Variants in CFAP70 observed in about 807,000 individuals in gnomAD.
The protein encoded by CFAP70 is cilia and flagella associated protein 70, also known as cilia- and flagella-associated protein 70.
CFAP70 carries 81 observed loss-of-function variants against 137.6 expected under a neutral mutation model. The observed-to-expected ratio is 0.59, with a 90% CI of 0.49 to 0.71. The LOEUF is 0.71. Ranked by LOEUF, CFAP70 falls within the 30% of genes least tolerant of loss-of-function variation. CFAP70 has a pLI of 0.00. For synonymous variants in CFAP70, 382 were observed against 423.6 expected (o/e 0.90, Z 1.20); for missense variants, 976 against 1,226.7 (o/e 0.80, Z 3.05).
At chr10:73,310,290 A>G in intron 11 of CFAP70, 41 bp from the exon 13 acceptor site, 7 of 1,431,700 alleles carry the variant, frequency 4.9e-6, no homozygotes, top group Non-Finnish European at 6.8e-6. Flanking sequence ...AGAAAAAAAT[A>G]TATTTATGAA....
chr10:73,299,626 AC>A lies in CFAP70; in HGVS notation c.1295del (p.Arg432LeufsTer10). 6.2e-7 allele frequency: 1 copy of A among 1,613,360 alleles called. No homozygotes were observed. Among genetic ancestry groups the A allele is most frequent in the Non-Finnish European group, 8.5e-7 (1 of 1,179,558 alleles). The stretch of plus-strand genomic sequence containing the variant: ...TTGCCTTCTGAGCTCCTCCTGTCCG[AC>A]GGGTAAGAGGAGGCCTTGGAGGAAT... On this transcript the variant is annotated frameshift_variant, in exon 13 of 27. Coordinates refer to ENST00000310715, the Ensembl canonical transcript of CFAP70. LOFTEE classifies it high-confidence loss of function.
chr10:73,347,087 T>C (rs1393945219), intron 4 of CFAP70: 1 of 152,152 alleles, frequency 6.6e-6, no homozygotes, highest in Non-Finnish European at 1.5e-5. Flanking sequence ...ATTGGAACAG[T>C]ATGGTATCTT....
intron 19 of CFAP70, among the ~76,000 whole-genome samples, chr10:73,290,005 A>G (rs1045615849): frequency 1.4e-5 from 2 of 148,044 alleles, no homozygotes; most frequent in African/African-American, 5.0e-5. Context: ...AGATCTCACC[A>G]CTGCACTCCA....
chr10:73,342,583 A>T (rs189327386), intron 5 of CFAP70, among the ~76,000 whole-genome samples: 10 of 152,270 alleles, frequency 6.6e-5, no homozygotes, highest in Admixed American at 6.5e-4. Context: ...ATAGATAGAT[A>T]AAGAACAGGA....
chr10:73,355,514 C>T lies in CFAP70; in HGVS notation c.-39-679G>A, dbSNP rs184936515. ...ATTATATAGGCTAGGCACGGTGGCT[C>T]ACGCCTGTAATCCCAACACTTTGGA... is the stretch of plus-strand genomic sequence containing the variant. On this transcript the variant is annotated intron_variant, in intron 1 of 26. Coordinates refer to ENST00000310715, the Ensembl canonical transcript of CFAP70. Among the ~76,000 whole-genome samples, 8 of 152,298 alleles carry T rather than the reference C, an allele frequency of 5.3e-5. No individual in the cohort carries two copies. In the East Asian group the frequency reaches 1.5e-3, roughly 29 times the overall value.
At chr10:73,278,254 T>A (rs759149275) in exon 20 of CFAP70, 1 of 1,614,098 alleles carries the variant, frequency 6.2e-7, no homozygotes, top group East Asian at 2.2e-5. Context: ...GTTTGTGTAG[T>A]CAAAATGGGT....
At chr10:73,355,479 A>G (rs1230503776) in intron 1 of CFAP70, among the ~76,000 whole-genome samples, 1 of 152,186 alleles carries the variant, frequency 6.6e-6, no homozygotes, top group Non-Finnish European at 1.5e-5. Flanking sequence ...GGTGAGTTGT[A>G]TAATATTTCA....
chr10:73,309,509 G>A (rs557629630), intron 12 of CFAP70, among the ~76,000 whole-genome samples: 1 of 152,154 alleles, frequency 6.6e-6, no homozygotes, highest in Admixed American at 6.5e-5. Flanking sequence ...GTCTCACTAT[G>A]TTGCCCAAGC....
At chr10:73,299,204 G>C (rs1422321734) in intron 13 of CFAP70, 103 bp from the exon 15 acceptor site, 22 of 725,940 alleles carry the variant, frequency 3.0e-5, no homozygotes, top group African/African-American at 4.5e-5. Flanking sequence ...TACTTTATTA[G>C]TTTGTTTGTT....
At chr10:73,264,551 C>T (rs2045575088) in intron 25 of CFAP70, among the ~76,000 whole-genome samples, 1 of 152,144 alleles carries the variant, frequency 6.6e-6, no homozygotes, top group Non-Finnish European at 1.5e-5. Flanking sequence ...AAAAATGTGA[C>T]TCCCATTATC....
intron 8 of CFAP70, among the ~76,000 whole-genome samples, chr10:73,330,530 T>A (rs930534087): frequency 6.6e-6 from 1 of 151,542 alleles, no homozygotes; most frequent in Non-Finnish European, 1.5e-5. Flanking sequence ...AATACTTACA[T>A]ACTACAAAGG....
At chr10:73,287,604 T>C (rs1001678099) in intron 19 of CFAP70, among the ~76,000 whole-genome samples, 2 of 152,170 alleles carry the variant, frequency 1.3e-5, no homozygotes, top group African/African-American at 4.8e-5. Flanking sequence ...ATACTTTTCT[T>C]AGGAAGCTTC....
rs77655119 is a variant in CFAP70 at position 73,292,597 on chromosome 10, A to G, written c.1771-583T>C. On this transcript the variant is annotated intron_variant, in intron 16 of 26. Transcript: ENST00000310715. The stretch of plus-strand genomic sequence containing the variant: ...AAAATTCTCAAAAAGTTAAACACAG[A>G]ATTACCGTATGTCTCAGCAATTTCA... Among the ~76,000 whole-genome samples the G allele has an allele frequency of 2.0e-3, 298 of 152,292 alleles. 12 individuals carry two copies. The East Asian group carries it at 0.054, about 28-fold the overall frequency.
exon 10 of CFAP70, chr10:73,312,547 C>T: frequency 6.2e-7 from 1 of 1,612,830 alleles, no homozygotes; most frequent in Non-Finnish European, 8.5e-7. Flanking sequence ...TTCTTAGAAA[C>T]AGCTTGTTTG....
intron 3 of CFAP70, among the ~76,000 whole-genome samples, chr10:73,349,162 A>G (rs2053976585): frequency 6.6e-6 from 1 of 152,088 alleles, no homozygotes; most frequent in African/African-American, 2.4e-5. Flanking sequence ...TTTCTATTCT[A>G]TTTCATACAG....
At chr10:73,317,440 T>C (rs940318340) in intron 9 of CFAP70, among the ~76,000 whole-genome samples, 1 of 152,230 alleles carries the variant, frequency 6.6e-6, no homozygotes, top group Non-Finnish European at 1.5e-5. Context: ...GTTAACCATA[T>C]TGATTCTCCC....
chr10:73,271,002 T>C (rs2046260826), intron 24 of CFAP70, among the ~76,000 whole-genome samples: 1 of 152,136 alleles, frequency 6.6e-6, no homozygotes, highest in South Asian at 2.1e-4. Context: ...TGTCAGGCAG[T>C]ATGCTAGATG....
Position 73,339,770 on chromosome 10 carries a change from G to A in CFAP70, c.582+1629C>T, listed in dbSNP as rs532112873. On this transcript the variant is annotated intron_variant, in intron 6 of 26. Transcript: ENST00000310715. ...GCTTCCATGGCCGGCACCAGGGAAT[G>A]TGGTGGTGCTCAGAAGCTTGGAGAC... Among the ~76,000 whole-genome samples the A allele has an allele frequency of 3.3e-5, 5 of 152,332 alleles. No homozygotes were observed. In the South Asian group the frequency reaches 8.3e-4, roughly 25 times the overall value.
At chr10:73,279,933 A>G (rs1189959890) in intron 19 of CFAP70, among the ~76,000 whole-genome samples, 1 of 152,182 alleles carries the variant, frequency 6.6e-6, no homozygotes, top group Non-Finnish European at 1.5e-5. Flanking sequence ...TATATGAAAA[A>G]AAAAAGAAAA....
Sources: allele counts gnomAD v4.1 joint callset (sites outside exome capture counted in the v4.1 genomes callset), GRCh38; gene constraint gnomAD v4.1.1; transcripts MANE v1.5; gene names NCBI Gene and HGNC (gene_info 2026-07-23, HGNC 2026-07-21).